The following EYS variants were observed in gnomAD, a reference collection of about 807,000 sequenced individuals.
The protein encoded by EYS is EGF-like photoreceptor maintenance factor, also known as protein eyes shut homolog.
Under a neutral mutation model 282.1 loss-of-function variants are expected in EYS, and 250 were observed. The ratio of observed to expected loss-of-function variants is 0.89; its 90% confidence interval spans 0.80 to 0.98. EYS has a LOEUF of 0.98. Ranked by LOEUF, EYS falls within the 50% of genes least tolerant of loss-of-function variation. The pLI, the probability that EYS is intolerant of heterozygous loss-of-function variation, is 0.00. For missense variants in EYS, 4,016 were observed against 3,709.0 expected (o/e 1.08, Z -2.15); for synonymous variants, 1,355 against 1,282.9 (o/e 1.06, Z -1.20).
At chr6:65,158,856 G>T (rs1434351400) in intron 12 of EYS, among the ~76,000 whole-genome samples, 1 of 150,860 alleles carries the variant, frequency 6.6e-6, no homozygotes, top group Non-Finnish European at 1.5e-5. Flanking sequence ...TTATGAATTT[G>T]CACTGCGGAA....
At chr6:65,036,526 C>T (rs62407167) in intron 13 of EYS, among the ~76,000 whole-genome samples, 22,231 of 151,332 alleles carry the variant, frequency 0.15, 1,700 homozygotes, top group East Asian at 0.24. Context: ...TAAACAGATA[C>T]CCTAAAAAAC....
intron 13 of EYS, among the ~76,000 whole-genome samples, chr6:65,038,881 T>C (rs1772847078): frequency 1.3e-5 from 2 of 151,502 alleles, no homozygotes; most frequent in African/African-American, 2.4e-5. Context: ...CACACCGTTT[T>C]AGTGTTTTGT....
intron 2 of EYS, among the ~76,000 whole-genome samples, chr6:65,600,806 C>T (rs1040249078): frequency 6.6e-6 from 1 of 151,140 alleles, no homozygotes; most frequent in Non-Finnish European, 1.5e-5. Context: ...ACATAGTAAT[C>T]AAAACAAAAG....
At chr6:64,293,136 C>G (rs1005140428) in intron 30 of EYS, among the ~76,000 whole-genome samples, 1 of 152,002 alleles carries the variant, frequency 6.6e-6, no homozygotes, top group Non-Finnish European at 1.5e-5. Context: ...AGAATTTGCA[C>G]ATGGAATAAA....
intron 22 of EYS, among the ~76,000 whole-genome samples, chr6:64,678,086 C>T (rs1769757002): frequency 6.6e-6 from 1 of 152,126 alleles, no homozygotes; most frequent in African/African-American, 2.4e-5. Flanking sequence ...CTCATGCTCA[C>T]ATTATGTCAT....
intron 14 of EYS, among the ~76,000 whole-genome samples, chr6:64,962,033 C>T (rs1035513403): frequency 2.6e-5 from 4 of 152,118 alleles, no homozygotes; most frequent in African/African-American, 4.8e-5. Context: ...CCTCACGTTT[C>T]CCCTAAGAAA....
chr6:63,919,952 G>A (rs950331453), intron 35 of EYS, among the ~76,000 whole-genome samples: 14 of 152,120 alleles, frequency 9.2e-5, no homozygotes, highest in African/African-American at 2.2e-4. Flanking sequence ...CGTAAATTGC[G>A]TAAATCAAGT....
intron 41 of EYS, among the ~76,000 whole-genome samples, chr6:63,736,388 G>T (rs995075063): frequency 3.3e-5 from 5 of 152,082 alleles, no homozygotes; most frequent in African/African-American, 1.2e-4. Flanking sequence ...TCAAAGATCA[G>T]ATAGTTGTAG....
At chr6:64,116,288 A>T (rs140333545) in intron 31 of EYS, among the ~76,000 whole-genome samples, 193 of 152,242 alleles carry the variant, frequency 1.3e-3, no homozygotes, top group South Asian at 3.9e-3. Context: ...CATATAAGAA[A>T]ACCCCTATAT....
intron 7 of EYS, among the ~76,000 whole-genome samples, chr6:65,388,745 G>A (rs1287704520): frequency 2.0e-5 from 3 of 151,970 alleles, no homozygotes; most frequent in Non-Finnish European, 4.4e-5. Flanking sequence ...AATGGCATTG[G>A]CAGAGGAATA....
chr6:65,106,305 C>T (rs533769232), intron 12 of EYS, among the ~76,000 whole-genome samples: 27 of 152,032 alleles, frequency 1.8e-4, no homozygotes, highest in African/African-American at 4.3e-4. Context: ...TCCTATGACC[C>T]TTATTTTTTC....
intron 2 of EYS, among the ~76,000 whole-genome samples, chr6:65,595,763 G>T (rs1469349348): frequency 6.6e-6 from 1 of 152,094 alleles, no homozygotes; most frequent in Non-Finnish European, 1.5e-5. Context: ...CAGAATATGG[G>T]TGTGGTAGGC....
chr6:64,369,642 A>G (rs1490177251), intron 29 of EYS, among the ~76,000 whole-genome samples: 5 of 151,958 alleles, frequency 3.3e-5, no homozygotes, highest in African/African-American at 1.2e-4. Context: ...TGAAAATTAC[A>G]GAACATTGAT....
chr6:65,067,392 C>A (rs1030137844), intron 12 of EYS, among the ~76,000 whole-genome samples: 3 of 151,960 alleles, frequency 2.0e-5, no homozygotes, highest in Non-Finnish European at 2.9e-5. Context: ...ATCTAAGATG[C>A]CACAGATTGC....
rs9453311 is a variant in EYS, at chr6:65,501,510, T to C, written c.-332-5517A>G. Among the ~76,000 whole-genome samples, 514 of 151,958 alleles carry C rather than the reference T, an allele frequency of 3.4e-3. 4 individuals carry two copies. Among genetic ancestry groups the C allele is most frequent in the African/African-American group, 0.012 (502 of 41,512 alleles). ...TCGTTGCCATTATACAGTTGGTCTATAGTATATGGATTAAAAGTGGTAAAG... is the reference window on the plus strand; with the variant it reads ...TCGTTGCCATTATACAGTTGGTCTACAGTATATGGATTAAAAGTGGTAAAG... On this transcript the variant is annotated intron_variant, in intron 2 of 42. Coordinates refer to ENST00000503581, the MANE Select transcript of EYS (RefSeq NM_001142800.2).
At chr6:64,065,448 G>C (rs958809264) in intron 33 of EYS, among the ~76,000 whole-genome samples, 5 of 152,136 alleles carry the variant, frequency 3.3e-5, no homozygotes, top group Admixed American at 6.6e-5. Context: ...ATTTTGTTTA[G>C]TAATGCCCCT....
chr6:64,865,097 C>A (rs1766386066), intron 19 of EYS, among the ~76,000 whole-genome samples: 1 of 152,064 alleles, frequency 6.6e-6, no homozygotes, highest in Non-Finnish European at 1.5e-5. Flanking sequence ...ACTTTTCTGT[C>A]TTAGGATATT....
chr6:65,538,285 A>T (rs957089070), intron 2 of EYS, among the ~76,000 whole-genome samples: 1 of 152,116 alleles, frequency 6.6e-6, no homozygotes, highest in African/African-American at 2.4e-5. Flanking sequence ...AATAATAAGG[A>T]AATATAGTTT....
intron 35 of EYS, among the ~76,000 whole-genome samples, chr6:63,918,734 C>T (rs1470053912): frequency 2.6e-5 from 4 of 152,182 alleles, no homozygotes; most frequent in Non-Finnish European, 5.9e-5. Flanking sequence ...TCCGTCGAAA[C>T]AAGTACATTT....
Sources: allele counts gnomAD v4.1 joint callset (sites outside exome capture counted in the v4.1 genomes callset), GRCh38; gene constraint gnomAD v4.1.1; transcripts MANE v1.5; gene names NCBI Gene and HGNC (gene_info 2026-07-23, HGNC 2026-07-21).